The following PTPRB variants were observed in gnomAD, a reference collection of about 807,000 sequenced individuals.
PTPRB encodes the protein protein tyrosine phosphatase receptor type B.
Under a neutral mutation model 238.1 loss-of-function variants are expected in PTPRB, and 97 were observed. The observed-to-expected ratio is 0.41, with a 90% CI of 0.35 to 0.48. The LOEUF is 0.48. Among genes scored for constraint, PTPRB ranks in the 20% least tolerant of loss-of-function variants. The probability of loss-of-function intolerance (pLI) is 0.30; values close to 1 mark genes in which losing one functional copy is unlikely to be tolerated. For synonymous variants in PTPRB, 970 were observed against 995.4 expected (o/e 0.97, Z 0.48); for missense variants, 2,292 against 2,681.9 (o/e 0.85, Z 3.21).
intron 15 of PTPRB, among the ~76,000 whole-genome samples, chr12:70,564,081 C>T (rs1592486278): frequency 6.6e-6 from 1 of 152,216 alleles, no homozygotes; most frequent in South Asian, 2.1e-4. Context: ...GTCAGACACA[C>T]ACCCACTCAA....
rs755950573 is a variant in PTPRB, at chr12:70,571,012, G to C, written c.3370+14C>G. The C allele has an allele frequency of 9.9e-6, 16 of 1,613,086 alleles. No homozygotes were observed. Among genetic ancestry groups the C allele is most frequent in the Admixed American group, 3.3e-5 (2 of 59,960 alleles). ...CTGCATCTATTCAGGTTCAAGAACAGTATTTCACATTACCTGTGAAGCCCT... is the reference window on the plus strand; with the variant it reads ...CTGCATCTATTCAGGTTCAAGAACACTATTTCACATTACCTGTGAAGCCCT... On this transcript the variant is annotated intron_variant, in intron 13 of 33. Coordinates refer to ENST00000334414, the MANE Select transcript of PTPRB (RefSeq NM_001109754.4).
chr12:70,540,093 T>C, intron 23 of PTPRB, 71 bp from the exon 24 acceptor site: 1 of 1,317,482 alleles, frequency 7.6e-7, no homozygotes, highest in South Asian at 1.3e-5. Context: ...CCATTTATGG[T>C]AAGGCTGTGG....
intron 2 of PTPRB, among the ~76,000 whole-genome samples, chr12:70,632,390 G>A (rs1308084054): frequency 6.6e-6 from 1 of 151,864 alleles, no homozygotes; most frequent in African/African-American, 2.4e-5. Context: ...AGAACACTTG[G>A]ACACAGGGCA....
In PTPRB at chr12:70,587,145, A is replaced by G. The variant is rs759703329; in HGVS notation, c.2173T>C (p.Leu725=). The part of the protein sequence containing the change: ...YIISLADRDL[L]LIHKSLSKDA... ...TTGGAGAGTGACTTGTGGATCAGTA[A>G]GAGGTCTCTGTCAGCTAGGGAAATG... The change falls in exon 9 of 34, where the codon TTA becomes CTA. Residue 725 remains leucine, a synonymous_variant. Transcript: ENST00000334414. 8 of 1,613,820 alleles carry G rather than the reference A, an allele frequency of 5.0e-6. No individual in the cohort carries two copies. Among genetic ancestry groups the G allele is most frequent in the South Asian group, 1.1e-5 (1 of 91,086 alleles).
At chr12:70,610,731 G>A (rs1159867702) in intron 3 of PTPRB, among the ~76,000 whole-genome samples, 1 of 151,962 alleles carries the variant, frequency 6.6e-6, no homozygotes, top group Non-Finnish European at 1.5e-5. Context: ...TAGCGCTAAC[G>A]ACAAATATAA....
intron 32 of PTPRB, 107 bp from the exon 33 acceptor site, chr12:70,524,698 T>G: frequency 8.6e-7 from 1 of 1,164,502 alleles, no homozygotes; most frequent in Non-Finnish European, 1.2e-6. Flanking sequence ...TTAGCAAATT[T>G]CTTGAACATC....
chr12:70,539,114 C>T (rs1480324999), intron 26 of PTPRB, 100 bp from the exon 27 acceptor site: 12 of 938,700 alleles, frequency 1.3e-5, no homozygotes, highest in Middle Eastern at 2.1e-4. Flanking sequence ...AATATATACA[C>T]TAGCTATTGT....
intron 19 of PTPRB, 31 bp from the exon 20 acceptor site, chr12:70,555,340 G>C: frequency 6.3e-7 from 1 of 1,591,356 alleles, no homozygotes; most frequent in East Asian, 2.3e-5. Context: ...GGAACCAAGA[G>C]GGGTCACAAC....
At chr12:70,582,926 A>G (rs1463675921) in intron 9 of PTPRB, among the ~76,000 whole-genome samples, 1 of 152,178 alleles carries the variant, frequency 6.6e-6, no homozygotes, top group East Asian at 1.9e-4. Flanking sequence ...GTGACAAATA[A>G]GCTTGTGAAA....
chr12:70,564,853 AAT>A (rs1318916596), intron 15 of PTPRB, among the ~76,000 whole-genome samples: 3 of 48,878 alleles, frequency 6.1e-5, no homozygotes, highest in South Asian at 5.6e-4. Flanking sequence ...AAATAATAAT[AAT>A]AATAATAATA....
At chr12:70,621,884 C>G (rs1884951756) in intron 3 of PTPRB, among the ~76,000 whole-genome samples, 1 of 152,210 alleles carries the variant, frequency 6.6e-6, no homozygotes, top group Non-Finnish European at 1.5e-5. Flanking sequence ...AGTCATTTGA[C>G]TAATGTCACC....
intron 3 of PTPRB, among the ~76,000 whole-genome samples, chr12:70,609,582 G>C (rs1884259921): frequency 1.3e-5 from 2 of 152,204 alleles, no homozygotes; most frequent in Admixed American, 6.5e-5. Flanking sequence ...TTGACAGCTG[G>C]ATAAGCTGTC....
chr12:70,553,105 C>G, intron 20 of PTPRB, 85 bp from the exon 21 acceptor site: 1 of 1,442,226 alleles, frequency 6.9e-7, no homozygotes, highest in Non-Finnish European at 9.4e-7. Flanking sequence ...TCTAAGGCTG[C>G]CTCCACATCC....
At chr12:70,618,330 G>A (rs191803474) in intron 3 of PTPRB, among the ~76,000 whole-genome samples, 142 of 152,158 alleles carry the variant, frequency 9.3e-4, no homozygotes, top group Admixed American at 2.6e-3. Flanking sequence ...GGCTGGTCTC[G>A]AACTCCTGGG....
chr12:70,623,261 C>T (rs746286220), intron 2 of PTPRB, among the ~76,000 whole-genome samples: 4 of 152,108 alleles, frequency 2.6e-5, no homozygotes, highest in Non-Finnish European at 4.4e-5. Context: ...TATCTATCTT[C>T]TGGAAGAACA....
intron 2 of PTPRB, among the ~76,000 whole-genome samples, chr12:70,633,476 G>GA (rs1400217168): frequency 2.6e-5 from 4 of 151,936 alleles, no homozygotes; most frequent in South Asian, 2.1e-4. Context: ...AAAACAAAAA[G>GA]AAAAAACCCC....
At chr12:70,590,296 C>T in intron 7 of PTPRB, 63 bp from the exon 8 acceptor site, 3 of 1,462,780 alleles carry the variant, frequency 2.1e-6, no homozygotes, top group African/African-American at 1.4e-5. Context: ...TACTCATTTA[C>T]TTTTCTTGGG....
chr12:70,548,348 A>T (rs12424398), intron 21 of PTPRB, among the ~76,000 whole-genome samples: 1,040 of 12,848 alleles, frequency 0.081, 5 homozygotes, highest in African/African-American at 0.12. Context: ...TCTCTCTCTC[A>T]CACACACACA....
intron 23 of PTPRB, 108 bp from the exon 24 acceptor site, chr12:70,540,130 G>C (rs1874829771): frequency 2.1e-6 from 2 of 942,306 alleles, no homozygotes; most frequent in Non-Finnish European, 3.2e-6. Context: ...GGATTTTTCA[G>C]TATTCATACA....
Sources: gnomAD v4.1 joint callset for allele counts (sites outside exome capture counted in the v4.1 genomes callset) on GRCh38, gnomAD v4.1.1 for gene constraint, MANE v1.5 for transcripts, NCBI Gene and HGNC (gene_info 2026-07-23, HGNC 2026-07-21) for gene names.